Variants in GRID2 observed in about 807,000 individuals in gnomAD.
GRID2 encodes glutamate ionotropic receptor delta type subunit 2.
Under a neutral mutation model 114.8 loss-of-function variants are expected in GRID2, and 33 were observed. The ratio of observed to expected loss-of-function variants is 0.29; its 90% CI spans 0.22 to 0.38. The LOEUF (loss-of-function observed/expected upper bound fraction) is 0.38, where lower values mean the gene tolerates loss of function less well. Among genes scored for constraint, GRID2 ranks in the 10% least tolerant of loss-of-function variants. GRID2 has a pLI of 1.00. For missense variants in GRID2, 1,184 were observed against 1,257.7 expected (o/e 0.94, Z 0.89); for synonymous variants, 505 against 449.9 (o/e 1.12, Z -1.55).
At chr4:93,481,744 A>G (rs1252695746) in intron 11 of GRID2, among the ~76,000 whole-genome samples, 1 of 152,032 alleles carries the variant, frequency 6.6e-6, no homozygotes, top group African/African-American at 2.4e-5. Flanking sequence ...TATGGGAGCA[A>G]TCCAATCTCA....
chr4:92,384,751 C>T (rs1729858833), intron 1 of GRID2, among the ~76,000 whole-genome samples: 1 of 137,624 alleles, frequency 7.3e-6, no homozygotes, highest in African/African-American at 2.7e-5. Flanking sequence ...ATTAGTAAAA[C>T]TTCTGATAAA....
At chr4:93,527,985 T>C (rs559784319) in intron 13 of GRID2, among the ~76,000 whole-genome samples, 1 of 152,166 alleles carries the variant, frequency 6.6e-6, no homozygotes, top group Non-Finnish European at 1.5e-5. Context: ...ACGGGCTTTC[T>C]TCACTTAGCA....
intron 10 of GRID2, among the ~76,000 whole-genome samples, chr4:93,454,726 TTTTATCTTC>T (rs1477209361): frequency 6.6e-6 from 1 of 152,072 alleles, no homozygotes; most frequent in African/African-American, 2.4e-5. Flanking sequence ...TAAACACAAG[TTTTATCTTC>T]TTTCCTGAAA....
rs191570790 is a variant in GRID2, at chr4:93,325,755, G to A, written c.1246-69852G>A. 2.7e-3 allele frequency among the ~76,000 whole-genome samples: 408 copies of A among 152,074 alleles called. 2 individuals are homozygous for A. The highest frequency in any genetic ancestry group is 4.6e-3 in the Non-Finnish European group (315 of 67,986). On this transcript the variant is annotated intron_variant, in intron 8 of 15. Coordinates refer to ENST00000282020, the MANE Select transcript of GRID2 (RefSeq NM_001510.4). Reference sequence around the variant, plus strand: ...TGCTTACTATATGATCTTATCTGATGAAACCATTATTAACATTCTTTCTTA... The same window carrying A: ...TGCTTACTATATGATCTTATCTGATAAAACCATTATTAACATTCTTTCTTA...
chr4:93,076,703 A>G (rs1191655530), intron 2 of GRID2, among the ~76,000 whole-genome samples: 1 of 142,850 alleles, frequency 7.0e-6, no homozygotes, highest in East Asian at 2.1e-4. Flanking sequence ...CTGCAACCTC[A>G]GCCTCCCGGG....
chr4:93,130,043 G>T (rs1388053384), intron 4 of GRID2, among the ~76,000 whole-genome samples: 6 of 152,136 alleles, frequency 3.9e-5, no homozygotes, highest in Non-Finnish European at 7.4e-5. Context: ...TGACATAGCT[G>T]AGATGGCTGA....
chr4:93,790,848 G>A (rs1323651624), intron 1 of GRID2, among the ~76,000 whole-genome samples: 3 of 152,050 alleles, frequency 2.0e-5, no homozygotes, highest in African/African-American at 7.2e-5. Context: ...GTTACTGAAC[G>A]TCTCTGTGTT....
intron 1 of GRID2, among the ~76,000 whole-genome samples, chr4:92,478,256 A>G (rs1722410582): frequency 6.6e-6 from 1 of 152,152 alleles, no homozygotes; most frequent in Non-Finnish European, 1.5e-5. Flanking sequence ...GTTACTTTAA[A>G]GTATAGCACC....
At chr4:92,987,528 G>GTATA (rs1754583454) in intron 2 of GRID2, among the ~76,000 whole-genome samples, 1 of 151,612 alleles carries the variant, frequency 6.6e-6, no homozygotes, top group Non-Finnish European at 1.5e-5. Flanking sequence ...CACCAACATG[G>GTATA]CACATGTATA....
intron 2 of GRID2, among the ~76,000 whole-genome samples, chr4:92,603,000 G>T (rs541478658): frequency 1.3e-5 from 2 of 152,114 alleles, no homozygotes; most frequent in Non-Finnish European, 2.9e-5. Context: ...CAAGGGAAGT[G>T]AAGGACCTCT....
chr4:92,430,684 G>T (rs1732396108), intron 1 of GRID2, among the ~76,000 whole-genome samples: 1 of 152,034 alleles, frequency 6.6e-6, no homozygotes, highest in African/African-American at 2.4e-5. Flanking sequence ...TGAATATATG[G>T]ATTAGTTTGG....
intron 11 of GRID2, among the ~76,000 whole-genome samples, chr4:93,463,193 A>G (rs1446229207): frequency 6.6e-6 from 1 of 152,138 alleles, no homozygotes; most frequent in Admixed American, 6.5e-5. Flanking sequence ...ATTCTTCACA[A>G]CTAATAAAAA....
rs546075311 is a variant in GRID2 at position 93,709,522 on chromosome 4, C to T, written c.2361-59688C>T. ...TTTAGAATCCTTTCTTTATCCTTGA[C>T]CTTTGGGAGTTTGATTATTAAATGC... is the stretch of plus-strand genomic sequence containing the variant. On this transcript the variant is annotated intron_variant, in intron 14 of 15. Coordinates refer to ENST00000282020, the MANE Select transcript of GRID2 (RefSeq NM_001510.4). Among the ~76,000 whole-genome samples the T allele has an allele frequency of 1.1e-4, 17 of 152,150 alleles. No homozygotes were observed. The South Asian group carries it at 3.1e-3, about 28-fold the overall frequency.
intron 11 of GRID2, among the ~76,000 whole-genome samples, chr4:93,460,096 T>C (rs572871034): frequency 6.6e-6 from 1 of 152,304 alleles, no homozygotes; most frequent in South Asian, 2.1e-4. Context: ...CCTGCAAATA[T>C]ACGATTCACA....
At chr4:92,642,425 C>T (rs1211859199) in intron 2 of GRID2, among the ~76,000 whole-genome samples, 3 of 151,762 alleles carry the variant, frequency 2.0e-5, no homozygotes, top group African/African-American at 4.8e-5. Flanking sequence ...TTGTGGGCTA[C>T]TTGTATGTCT....
At chr4:93,527,083 C>G (rs1730984088) in intron 13 of GRID2, among the ~76,000 whole-genome samples, 1 of 152,110 alleles carries the variant, frequency 6.6e-6, no homozygotes, top group South Asian at 2.1e-4. Flanking sequence ...AAAGGGCCCT[C>G]CCTCTCCTCT....
intron 2 of GRID2, among the ~76,000 whole-genome samples, chr4:92,632,297 A>G (rs1288861042): frequency 2.0e-5 from 3 of 152,100 alleles, no homozygotes; most frequent in Non-Finnish European, 4.4e-5. Flanking sequence ...ATAGTTTTTA[A>G]TTTTGTATTT....
chr4:92,536,245 T>C (rs1328347926), intron 1 of GRID2, among the ~76,000 whole-genome samples: 1 of 152,166 alleles, frequency 6.6e-6, no homozygotes, highest in African/African-American at 2.4e-5. Flanking sequence ...ATCCTTTAAC[T>C]AGACAGAAAA....
chr4:92,585,664 T>G (rs191294055), intron 1 of GRID2, among the ~76,000 whole-genome samples: 1,549 of 152,044 alleles, frequency 0.01, 13 homozygotes, highest in Non-Finnish European at 0.016. Flanking sequence ...TATATCAAAT[T>G]TTTTCTCAAT....
Sources: allele counts gnomAD v4.1 joint callset (sites outside exome capture counted in the v4.1 genomes callset), GRCh38; gene constraint gnomAD v4.1.1; transcripts MANE v1.5; gene names NCBI Gene and HGNC (gene_info 2026-07-23, HGNC 2026-07-21).